Variants in CDCA2 observed in about 807,000 individuals in gnomAD.
CDCA2 encodes the protein cell division cycle-associated protein 2.
A neutral mutation model predicts 67.0 loss-of-function variants in CDCA2; 44 were observed. The ratio of observed to expected loss-of-function variants is 0.66; its 90% confidence interval spans 0.52 to 0.84. CDCA2 has a LOEUF of 0.84. Ranked by LOEUF, CDCA2 falls within the 40% of genes least tolerant of loss-of-function variation. CDCA2 has a pLI of 0.00. For missense variants in CDCA2, 1,253 were observed against 1,203.2 expected (o/e 1.04, Z -0.61); for synonymous variants, 447 against 418.7 (o/e 1.07, Z -0.82).
intron 13 of CDCA2, among the ~76,000 whole-genome samples, chr8:25,493,642 C>T (rs1463876163): frequency 8.5e-5 from 13 of 152,172 alleles, no homozygotes; most frequent in Admixed American, 7.9e-4. Context: ...TGAAAATGAC[C>T]TTCAGCACAG....
At chr8:25,502,364 A>T (rs923363884) in intron 13 of CDCA2, among the ~76,000 whole-genome samples, 9 of 152,092 alleles carry the variant, frequency 5.9e-5, no homozygotes, top group African/African-American at 1.9e-4. Context: ...AAAACATAAA[A>T]CATTATTTCT....
intron 13 of CDCA2, among the ~76,000 whole-genome samples, chr8:25,493,667 G>A (rs1001347295): frequency 1.5e-4 from 23 of 152,168 alleles, no homozygotes; most frequent in African/African-American, 5.1e-4. Flanking sequence ...AAAATGTTCA[G>A]ACTTCCTCAT....
rs1804709155 is a variant in CDCA2 at position 25,507,033 on chromosome 8, C to T, written c.2367C>T (p.Asp789=). Residue 789 remains aspartate, a synonymous_variant, in exon 15 of 15, where the codon GAC becomes GAT. Coordinates refer to ENST00000330560, the MANE Select transcript of CDCA2 (RefSeq NM_152562.4). The part of the protein sequence containing the change: ...CNRLMPNSQK[D]CHCLGDVLIE... ...GTTTAATGCCTAATTCACAAAAAGACTGTCATTGTTTAGGAGATGTCTTAA... is the reference window on the plus strand; with the variant it reads ...GTTTAATGCCTAATTCACAAAAAGATTGTCATTGTTTAGGAGATGTCTTAA... 3 of 1,614,012 alleles carry T rather than the reference C, an allele frequency of 1.9e-6. No individual in the cohort carries two copies. Among genetic ancestry groups the T allele is most frequent in the Non-Finnish European group, 2.5e-6 (3 of 1,179,954 alleles).
chr8:25,485,688 CTCT>C (rs1190442113), intron 10 of CDCA2, 68 bp from the exon 11 acceptor site: 1 of 774,774 alleles, frequency 1.3e-6, no homozygotes. Context: ...TAAATTCTTA[CTCT>C]TCTTTTGGGC....
At chr8:25,465,581 T>C (rs1243961681) in intron 4 of CDCA2, among the ~76,000 whole-genome samples, 1 of 152,176 alleles carries the variant, frequency 6.6e-6, no homozygotes, top group Non-Finnish European at 1.5e-5. Context: ...CATCAAACTT[T>C]GTATTTTAAG....
intron 8 of CDCA2, among the ~76,000 whole-genome samples, chr8:25,482,409 A>G (rs1484677755): frequency 2.0e-5 from 3 of 152,170 alleles, no homozygotes; most frequent in East Asian, 1.9e-4. Flanking sequence ...CTGACACCAT[A>G]TATGGTACTT....
chr8:25,495,358 T>G (rs921094633), intron 13 of CDCA2, among the ~76,000 whole-genome samples: 7 of 152,048 alleles, frequency 4.6e-5, no homozygotes, highest in African/African-American at 1.7e-4. Flanking sequence ...TATGTCAAGT[T>G]GGTGGCTTAA....
At chr8:25,474,340 G>A (rs1803267423) in intron 7 of CDCA2, among the ~76,000 whole-genome samples, 1 of 152,192 alleles carries the variant, frequency 6.6e-6, no homozygotes, top group Non-Finnish European at 1.5e-5. Context: ...TGTTTTGAAA[G>A]TGTTTGAGAA....
At chr8:25,472,426 A>G (rs182792098) in intron 7 of CDCA2, among the ~76,000 whole-genome samples, 38 of 151,454 alleles carry the variant, frequency 2.5e-4, no homozygotes, top group African/African-American at 9.0e-4. Context: ...TGATTTTTGT[A>G]TTTTTGTAGA....
chr8:25,493,182 G>A (rs77574651), intron 13 of CDCA2, among the ~76,000 whole-genome samples: 2 of 152,158 alleles, frequency 1.3e-5, no homozygotes, highest in African/African-American at 2.4e-5. Context: ...AAAGTTCAAT[G>A]TTTACCAACT....
chr8:25,488,612 T>C lies in CDCA2; in HGVS notation c.1594T>C (p.Cys532Arg). ...CTTATTGAATACAGAAGTTCAGCCTTGTAAAGAAAAGAAAATTAATAGGAG... is the reference window on the plus strand; with the variant it reads ...CTTATTGAATACAGAAGTTCAGCCTCGTAAAGAAAAGAAAATTAATAGGAG... Reference protein sequence around the residue: ...CNLLNTEVQPCKEKKINRRKS... With the variant: ...CNLLNTEVQPRKEKKINRRKS... Residue 532 changes from cysteine (C) to arginine (R), a missense_variant, in exon 13 of 15, where the codon TGT becomes CGT. Cys to Arg is a radical substitution (Grantham distance 180). Coordinates refer to ENST00000330560, the MANE Select transcript of CDCA2 (RefSeq NM_152562.4). The C allele has an allele frequency of 1.2e-6, 2 of 1,613,224 alleles. No individual in the cohort carries two copies. Among genetic ancestry groups the C allele is most frequent in the Non-Finnish European group, 1.7e-6 (2 of 1,179,750 alleles).
chr8:25,489,599 T>G (rs899719452), intron 13 of CDCA2, among the ~76,000 whole-genome samples: 7 of 152,206 alleles, frequency 4.6e-5, no homozygotes, highest in African/African-American at 1.7e-4. Context: ...ACATCTGGCC[T>G]TCTTCTTCAC....
Position 25,506,504 on chromosome 8 carries a change from C to T in CDCA2, c.1844-6C>T. 3 of 1,548,776 alleles carry T rather than the reference C, an allele frequency of 1.9e-6. No homozygotes were observed. Among genetic ancestry groups the T allele is most frequent in the Non-Finnish European group, 2.6e-6 (3 of 1,154,604 alleles). On this transcript the variant is annotated splice_polypyrimidine_tract_variant and splice_region_variant and intron_variant, in intron 14 of 14. Coordinates refer to ENST00000330560, the MANE Select transcript of CDCA2 (RefSeq NM_152562.4). ...ATTAGATTTAAACCTATTTACATGC[C>T]CATAGGTTATTTCAGTTCAAATGGC...
At chr8:25,497,232 G>T (rs1261801298) in intron 13 of CDCA2, among the ~76,000 whole-genome samples, 2 of 152,044 alleles carry the variant, frequency 1.3e-5, no homozygotes, top group Non-Finnish European at 2.9e-5. Context: ...ATATGATCCA[G>T]CAAATCCCAC....
At chr8:25,488,791 G>A (rs1803884602) in intron 13 of CDCA2, 102 bp downstream of exon 13, 1 of 1,212,932 alleles carries the variant, frequency 8.2e-7, no homozygotes, top group Non-Finnish European at 1.1e-6. Flanking sequence ...GTTGACTTTG[G>A]ACCAAGATTA....
In CDCA2 at chr8:25,507,598, T is replaced by C. The variant is rs772038995; in HGVS notation, c.2932T>C (p.Phe978Leu). ...TGAACCTGGTAAGAGGAGGAAGAGC[T>C]TTTGTATATCTACACTTGCAAATAC... ...SDEPGKRRKS[F>L]CISTLANTKA... Residue 978 changes from phenylalanine to leucine, a missense_variant, in exon 15 of 15, where the codon TTT (phenylalanine) becomes CTT (leucine). Coordinates refer to ENST00000330560, the MANE Select transcript of CDCA2 (RefSeq NM_152562.4). 14 of 1,614,058 alleles carry C rather than the reference T, an allele frequency of 8.7e-6. No homozygotes were observed. Among genetic ancestry groups the C allele is most frequent in the Non-Finnish European group, 1.2e-5 (14 of 1,180,008 alleles).
At chr8:25,473,455 G>A (rs1803235712) in intron 7 of CDCA2, among the ~76,000 whole-genome samples, 1 of 152,050 alleles carries the variant, frequency 6.6e-6, no homozygotes, top group Non-Finnish European at 1.5e-5. Context: ...TTTTTCAAGA[G>A]CGTTTATTAA....
intron 13 of CDCA2, among the ~76,000 whole-genome samples, chr8:25,499,840 C>T (rs973771998): frequency 2.6e-5 from 4 of 152,112 alleles, no homozygotes; most frequent in African/African-American, 9.7e-5. Flanking sequence ...CAAATGGCTT[C>T]CCCCGGGGGT....
At chr8:25,461,513 T>A (rs1802687538) in intron 3 of CDCA2, among the ~76,000 whole-genome samples, 1 of 152,168 alleles carries the variant, frequency 6.6e-6, no homozygotes, top group Non-Finnish European at 1.5e-5. Flanking sequence ...CACCCTAACT[T>A]TCATTCTCAA....
Sources: allele counts gnomAD v4.1 joint callset (sites outside exome capture counted in the v4.1 genomes callset), GRCh38; gene constraint gnomAD v4.1.1; transcripts MANE v1.5; gene names NCBI Gene and HGNC (gene_info 2026-07-23, HGNC 2026-07-21).